Variants in ERBIN observed in about 807,000 individuals in gnomAD.
The protein encoded by ERBIN is densin-180-like protein.
In ERBIN, 60 loss-of-function variants were observed where a neutral mutation model predicts 158.4. The observed-to-expected ratio is 0.38, with a 90% CI of 0.31 to 0.47. The LOEUF is 0.47. Ranked by LOEUF, ERBIN falls within the 20% of genes least tolerant of loss-of-function variation. The pLI, the probability that ERBIN is intolerant of heterozygous loss-of-function variation, is 0.99. For synonymous variants in ERBIN, 594 were observed against 557.2 expected (o/e 1.07, Z -0.93); for missense variants, 1,610 against 1,648.0 (o/e 0.98, Z 0.40).
chr5:65,972,285 T>C (rs1749342827), intron 1 of ERBIN, among the ~76,000 whole-genome samples: 1 of 152,254 alleles, frequency 6.6e-6, no homozygotes, highest in East Asian at 1.9e-4. Context: ...GACAGTGGAC[T>C]TACTATGATG....
At chr5:66,062,898 G>T (rs1363843055) in intron 21 of ERBIN, among the ~76,000 whole-genome samples, 1 of 152,176 alleles carries the variant, frequency 6.6e-6, no homozygotes, top group Non-Finnish European at 1.5e-5. Context: ...CATTCCTCTG[G>T]AAGTTTTGTC....
intron 1 of ERBIN, among the ~76,000 whole-genome samples, chr5:65,947,217 T>G (rs1239645306): frequency 1.3e-5 from 2 of 152,170 alleles, no homozygotes; most frequent in Non-Finnish European, 2.9e-5. Flanking sequence ...GAAAGTTTTA[T>G]AGTTTTGCAT....
intron 1 of ERBIN, among the ~76,000 whole-genome samples, chr5:65,966,419 G>A (rs545290981): frequency 2.6e-5 from 4 of 152,186 alleles, no homozygotes; most frequent in East Asian, 3.9e-4. Context: ...GGTAGCTCAC[G>A]CCTGTAATCC....
intron 3 of ERBIN, among the ~76,000 whole-genome samples, chr5:65,993,590 TATTTA>T (rs1039430496): frequency 5.7e-5 from 8 of 140,788 alleles, no homozygotes; most frequent in African/African-American, 2.6e-4. Flanking sequence ...AATTGCTATA[TATTTA>T]ATTGTTAATT....
chr5:66,041,977 T>A (rs961880667), intron 15 of ERBIN, among the ~76,000 whole-genome samples: 2 of 151,976 alleles, frequency 1.3e-5, no homozygotes, highest in Non-Finnish European at 2.9e-5. Flanking sequence ...AAAGGCTAAA[T>A]CAAAGAATTT....
Position 65,968,221 on chromosome 5 carries a change from C to G in ERBIN, c.-57-20414C>G, listed in dbSNP as rs143464664. Among the ~76,000 whole-genome samples the G allele has an allele frequency of 1.8e-3, 271 of 152,280 alleles. 1 individual carries two copies. The highest frequency in any genetic ancestry group is 6.3e-3 in the African/African-American group (263 of 41,546). ...CATCTTGTTGGTTAGGGATTAAGTT[C>G]TAAAGTCAGTGTAAGTAGAAGGTAT... On this transcript the variant is annotated intron_variant, in intron 1 of 25. Coordinates refer to ENST00000284037, the MANE Select transcript of ERBIN (RefSeq NM_001253697.2).
At chr5:65,989,415 G>C (rs1481579594) in intron 2 of ERBIN, among the ~76,000 whole-genome samples, 1 of 152,120 alleles carries the variant, frequency 6.6e-6, no homozygotes, top group African/African-American at 2.4e-5. Context: ...TTTGATCTGA[G>C]GTCTAAACCG....
chr5:66,011,426 G>A (rs1311268157), intron 4 of ERBIN, among the ~76,000 whole-genome samples: 1 of 152,188 alleles, frequency 6.6e-6, no homozygotes. Flanking sequence ...GGTGGCTCAA[G>A]CCTGTAATCT....
chr5:65,943,235 C>T (rs1745286278), intron 1 of ERBIN, among the ~76,000 whole-genome samples: 1 of 152,242 alleles, frequency 6.6e-6, no homozygotes, highest in South Asian at 2.1e-4. Context: ...AAATGAATTA[C>T]AGGAATGTTA....
intron 4 of ERBIN, among the ~76,000 whole-genome samples, chr5:65,997,427 G>A (rs1276916557): frequency 1.3e-5 from 2 of 152,120 alleles, no homozygotes; most frequent in Non-Finnish European, 2.9e-5. Flanking sequence ...TTAAGGCCAG[G>A]TAGTCTTGTT....
At chr5:65,963,788 T>A (rs893462538) in intron 1 of ERBIN, among the ~76,000 whole-genome samples, 2 of 111,372 alleles carry the variant, frequency 1.8e-5, no homozygotes, top group Non-Finnish European at 3.8e-5. Flanking sequence ...ATTTTCTTTC[T>A]TTTCTTTTTT....
At chr5:65,964,571 A>G (rs1423520185) in intron 1 of ERBIN, among the ~76,000 whole-genome samples, 1 of 152,170 alleles carries the variant, frequency 6.6e-6, no homozygotes, top group East Asian at 1.9e-4. Context: ...AAGGAAAACT[A>G]TGTACTTGCA....
At chr5:66,011,493 G>C (rs1217713957) in intron 4 of ERBIN, among the ~76,000 whole-genome samples, 1 of 152,160 alleles carries the variant, frequency 6.6e-6, no homozygotes, top group African/African-American at 2.4e-5. Flanking sequence ...TTCGAGACCA[G>C]TCTGACCAGC....
At chr5:66,007,627 G>GAA (rs1753755323) in intron 4 of ERBIN, among the ~76,000 whole-genome samples, 1 of 151,952 alleles carries the variant, frequency 6.6e-6, no homozygotes, top group Non-Finnish European at 1.5e-5. Flanking sequence ...AAGCTACTGA[G>GAA]AAGGAACACT....
At chr5:65,942,794 G>T (rs934921920) in intron 1 of ERBIN, among the ~76,000 whole-genome samples, 1 of 151,960 alleles carries the variant, frequency 6.6e-6, no homozygotes, top group African/African-American at 2.4e-5. Context: ...GTGTGGTTGC[G>T]CATGCCTGTA....
At chr5:66,037,391 C>T (rs993990469) in intron 14 of ERBIN, among the ~76,000 whole-genome samples, 4 of 152,104 alleles carry the variant, frequency 2.6e-5, no homozygotes, top group Admixed American at 1.3e-4. Flanking sequence ...CTACCCTCAC[C>T]TCCTGACTTG....
intron 20 of ERBIN, 85 bp from the exon 21 acceptor site, chr5:66,053,321 A>G (rs1033114484): frequency 4.4e-5 from 34 of 772,612 alleles, no homozygotes; most frequent in Non-Finnish European, 6.5e-5. Flanking sequence ...TAACTTGTCT[A>G]CCTACACAAT....
At chr5:66,068,949 C>G in intron 21 of ERBIN, 3 of 1,535,756 alleles carry the variant, frequency 2.0e-6, no homozygotes, top group South Asian at 2.4e-5. Flanking sequence ...CTCTAGGGAT[C>G]TGCATGGCAG....
intron 1 of ERBIN, among the ~76,000 whole-genome samples, chr5:65,985,108 G>C (rs1462467675): frequency 6.6e-6 from 1 of 152,018 alleles, no homozygotes; most frequent in Non-Finnish European, 1.5e-5. Context: ...TTTGTTGTTG[G>C]CTTGAGACGG....
Sources: allele counts gnomAD v4.1 joint callset (sites outside exome capture counted in the v4.1 genomes callset), GRCh38; gene constraint gnomAD v4.1.1; transcripts MANE v1.5; gene names NCBI Gene and HGNC (gene_info 2026-07-23, HGNC 2026-07-21).